The following SEPTIN9 variants were observed in gnomAD, a reference collection of about 807,000 sequenced individuals.
SEPTIN9 encodes septin-9.
In SEPTIN9, 13 loss-of-function variants were observed where a neutral mutation model predicts 56.6. The observed-to-expected ratio is 0.23, with a 90% confidence interval of 0.15 to 0.37. The LOEUF (loss-of-function observed/expected upper bound fraction) is 0.37, where lower values mean the gene tolerates loss of function less well. Among genes scored for constraint, SEPTIN9 ranks in the 10% least tolerant of loss-of-function variants. The pLI, the probability that SEPTIN9 is intolerant of heterozygous loss-of-function variation, is 1.00. For synonymous variants in SEPTIN9, 332 were observed against 334.1 expected (o/e 0.99, Z 0.07); for missense variants, 650 against 823.1 (o/e 0.79, Z 2.57).
intron 3 of SEPTIN9, among the ~76,000 whole-genome samples, chr17:77,472,201 G>A (rs982956981): frequency 2.0e-5 from 3 of 152,210 alleles, no homozygotes; most frequent in South Asian, 4.1e-4. Context: ...TCCAGAAAGC[G>A]GCGGGTGGTG....
At chr17:77,454,687 G>A (rs749568266) in intron 3 of SEPTIN9, among the ~76,000 whole-genome samples, 7 of 152,172 alleles carry the variant, frequency 4.6e-5, no homozygotes, top group Admixed American at 2.0e-4. Flanking sequence ...GTTCAAACTC[G>A]CCGCCGCTCA....
chr17:77,345,671 A>T (rs4789447), intron 2 of SEPTIN9, among the ~76,000 whole-genome samples: 82,823 of 151,992 alleles, frequency 0.54, 23,417 homozygotes, highest in East Asian at 0.99. Context: ...CCCACTGGGC[A>T]CACGCCACTG....
intron 3 of SEPTIN9, among the ~76,000 whole-genome samples, chr17:77,461,718 T>C (rs369350334): frequency 1.3e-5 from 2 of 152,334 alleles, no homozygotes. Context: ...GGTGTGTACG[T>C]GTGTTTAGAT....
At chr17:77,430,231 CCGAGCCG>C (rs894594181) in intron 3 of SEPTIN9, among the ~76,000 whole-genome samples, 4 of 152,134 alleles carry the variant, frequency 2.6e-5, no homozygotes, top group African/African-American at 9.7e-5. Flanking sequence ...CTTTCTCTGC[CCGAGCCG>C]TGACCTGTCA....
rs1338459165 is a variant in SEPTIN9 at position 77,362,882 on chromosome 17, C to T, written c.77-39177C>T. Among the ~76,000 whole-genome samples the T allele has an allele frequency of 3.3e-5, 5 of 152,120 alleles. No homozygotes were observed. In the East Asian group the frequency reaches 9.6e-4, roughly 29 times the overall value. ...AGAAGAAGCAGCCTCTGAGCTGAGACCTGAAGACAGATCAGGCCTGAGTCA... is the reference window on the plus strand; with the variant it reads ...AGAAGAAGCAGCCTCTGAGCTGAGATCTGAAGACAGATCAGGCCTGAGTCA... On this transcript the variant is annotated intron_variant, in intron 2 of 11. Coordinates refer to ENST00000427177, the MANE Select transcript of SEPTIN9 (RefSeq NM_001113491.2).
At chr17:77,462,365 C>T (rs1247551741) in intron 3 of SEPTIN9, among the ~76,000 whole-genome samples, 6 of 152,144 alleles carry the variant, frequency 3.9e-5, no homozygotes, top group African/African-American at 7.2e-5. Flanking sequence ...CTGCCGGCCC[C>T]GGGAGCTGCT....
chr17:77,482,584 A>T, intron 4 of SEPTIN9: 1 of 682,996 alleles, frequency 1.5e-6, no homozygotes, highest in Non-Finnish European at 2.7e-6. Context: ...TGGGGAGCCC[A>T]GGCCGGCCTG....
intron 1 of SEPTIN9, among the ~76,000 whole-genome samples, chr17:77,290,297 G>A (rs977041550): frequency 2.2e-4 from 31 of 143,114 alleles, no homozygotes; most frequent in Non-Finnish European, 3.0e-4. Flanking sequence ...TCGCTCTGTT[G>A]CCCAGGCTGG....
chr17:77,493,765 C>CTTTTT (rs35829686), intron 10 of SEPTIN9, among the ~76,000 whole-genome samples: 19 of 111,476 alleles, frequency 1.7e-4, no homozygotes, highest in African/African-American at 1.9e-4. Flanking sequence ...CCTCCTCTTC[C>CTTTTT]TTTTTTTTTT....
intron 2 of SEPTIN9, among the ~76,000 whole-genome samples, chr17:77,378,496 T>TGGCTGGC (rs2035015244): frequency 6.6e-6 from 1 of 151,942 alleles, no homozygotes; most frequent in Non-Finnish European, 1.5e-5. Flanking sequence ...TCGCGGCTGG[T>TGGCTGGC]GTGGCATCTG....
intron 2 of SEPTIN9, among the ~76,000 whole-genome samples, chr17:77,379,968 G>A (rs1334166894): frequency 1.3e-5 from 2 of 152,068 alleles, no homozygotes; most frequent in Non-Finnish European, 2.9e-5. Context: ...TGAGACCAAA[G>A]GGTCCGGAAC....
chr17:77,308,466 T>C (rs771845600), intron 2 of SEPTIN9, among the ~76,000 whole-genome samples: 1 of 152,258 alleles, frequency 6.6e-6, no homozygotes, highest in African/African-American at 2.4e-5. Flanking sequence ...GTGGGTCTGT[T>C]CTATACATCT....
In SEPTIN9 at chr17:77,402,878, C is replaced by T. The variant is rs73373362; in HGVS notation, c.721+175C>T. Among the ~76,000 whole-genome samples the T allele has an allele frequency of 2.4e-3, 358 of 152,296 alleles. No individual in the cohort carries two copies. Among genetic ancestry groups the T allele is most frequent in the African/African-American group, 7.9e-3 (328 of 41,552 alleles). ...GTCTGCAAGCTCAGGAGAGGTGGCTCTCTCTGTCTGATGGGAACATGCCAA... is the reference window on the plus strand; with the variant it reads ...GTCTGCAAGCTCAGGAGAGGTGGCTTTCTCTGTCTGATGGGAACATGCCAA... On this transcript the variant is annotated intron_variant, in intron 3 of 11. Transcript: ENST00000427177. This position sits in a 1 kb window ranked among gnomAD's most constrained non-coding sequence, Gnocchi z 6.6.
intron 3 of SEPTIN9, among the ~76,000 whole-genome samples, chr17:77,470,031 CCACTCATT>C (rs985660869): frequency 2.2e-4 from 33 of 150,556 alleles, no homozygotes; most frequent in African/African-American, 6.2e-4. Flanking sequence ...ATCCACCTAT[CCACTCATT>C]CACTCATTCA....
rs1352862434 is a variant in SEPTIN9, at chr17:77,371,522, G to A, written c.77-30537G>A. The stretch of plus-strand genomic sequence containing the variant: ...TGTGGCTTAGGATGGCTGTTGTGCC[G>A]GACCCGGCATCTTCCCAGGGGGGCT... On this transcript the variant is annotated intron_variant, in intron 2 of 11. Coordinates refer to ENST00000427177, the MANE Select transcript of SEPTIN9 (RefSeq NM_001113491.2). The surrounding 1 kb of genome is among the most constrained non-coding windows in gnomAD (Gnocchi z 4.1). Among the ~76,000 whole-genome samples the A allele has an allele frequency of 6.6e-6, 1 of 152,190 alleles. No homozygotes were observed. The highest frequency in any genetic ancestry group is 2.4e-5 in the African/African-American group (1 of 41,440).
At chr17:77,438,782 G>A (rs963839650) in intron 3 of SEPTIN9, among the ~76,000 whole-genome samples, 1 of 152,228 alleles carries the variant, frequency 6.6e-6, no homozygotes, top group Non-Finnish European at 1.5e-5. Context: ...TGCTACAGCA[G>A]TGATGGGAAT....
chr17:77,498,169 A>G (rs1302893999), intron 11 of SEPTIN9, among the ~76,000 whole-genome samples: 1 of 151,806 alleles, frequency 6.6e-6, no homozygotes, highest in Non-Finnish European at 1.5e-5. Context: ...CACCCTGGAC[A>G]CCGGCCTGGA....
chr17:77,447,728 G>A (rs141896924), intron 3 of SEPTIN9, among the ~76,000 whole-genome samples: 207 of 152,358 alleles, frequency 1.4e-3, no homozygotes, highest in East Asian at 2.9e-3. Context: ...GGGTTCAAGC[G>A]ATTCTCCTGC....
intron 2 of SEPTIN9, chr17:77,373,305 C>A: frequency 1.4e-6 from 1 of 718,654 alleles, no homozygotes; most frequent in Non-Finnish European, 1.8e-6. Context: ...GCGCAGCGCG[C>A]GGGGAGGGGC....
Sources: gnomAD v4.1 joint callset for allele counts (sites outside exome capture counted in the v4.1 genomes callset) on GRCh38, gnomAD v4.1.1 for gene constraint, Gnocchi (gnomAD v3.1) non-coding constraint, MANE v1.5 for transcripts, NCBI Gene and HGNC (gene_info 2026-07-23, HGNC 2026-07-21) for gene names.